Variants in NLGN1 observed in about 807,000 individuals in gnomAD.
The protein encoded by NLGN1 is neuroligin-1.
NLGN1 carries 12 observed loss-of-function variants against 65.5 expected under a neutral mutation model. That is an observed-to-expected ratio of 0.18 (90% CI 0.12 to 0.30). NLGN1 has a LOEUF of 0.30. Ranked by LOEUF, NLGN1 falls within the 10% of genes least tolerant of loss-of-function variation. The probability of loss-of-function intolerance (pLI) is 1.00; values close to 1 mark genes in which losing one functional copy is unlikely to be tolerated. For synonymous variants in NLGN1, 350 were observed against 359.5 expected, an observed-to-expected ratio of 0.97 and a Z score of 0.30; for missense variants, 750 against 1,007.1, an observed-to-expected ratio of 0.74 and a Z score of 3.46.
chr3:174,238,365 T>G (rs1361619499), intron 4 of NLGN1, among the ~76,000 whole-genome samples: 1 of 151,952 alleles, frequency 6.6e-6, no homozygotes, highest in African/African-American at 2.4e-5. Context: ...AAGTTCTTTT[T>G]TTTTTGTTGT....
intron 3 of NLGN1, among the ~76,000 whole-genome samples, chr3:173,801,937 A>G (rs1425105771): frequency 1.3e-5 from 2 of 152,112 alleles, no homozygotes; most frequent in Admixed American, 1.3e-4. Flanking sequence ...AAACTATAAG[A>G]AGACTACTTC....
At chr3:173,872,138 C>T (rs1368749536) in intron 4 of NLGN1, among the ~76,000 whole-genome samples, 2 of 152,008 alleles carry the variant, frequency 1.3e-5, no homozygotes, top group Admixed American at 6.6e-5. Context: ...GCCTCCCTCT[C>T]GTGGACTGAG....
chr3:174,194,955 G>A (rs537623248), intron 4 of NLGN1, among the ~76,000 whole-genome samples: 3 of 147,984 alleles, frequency 2.0e-5, no homozygotes, highest in Admixed American at 7.0e-5. Flanking sequence ...TCCGCCTCCC[G>A]GGTTCAAGTG....
chr3:173,758,236 G>A (rs917763960), intron 3 of NLGN1, among the ~76,000 whole-genome samples: 2 of 152,074 alleles, frequency 1.3e-5, no homozygotes, highest in East Asian at 1.9e-4. Context: ...ATCAGCTTTT[G>A]TCTTGATCTT....
intron 3 of NLGN1, among the ~76,000 whole-genome samples, chr3:173,699,532 A>G (rs1766797129): frequency 6.6e-6 from 1 of 152,198 alleles, no homozygotes; most frequent in Non-Finnish European, 1.5e-5. Flanking sequence ...TCTTTGAAAT[A>G]AGTTGTTCTT....
chr3:173,892,626 T>G (rs1735571211), intron 4 of NLGN1, among the ~76,000 whole-genome samples: 1 of 151,822 alleles, frequency 6.6e-6, no homozygotes, highest in Admixed American at 6.6e-5. Context: ...GAGATTATAT[T>G]AAACTAACAT....
At chr3:174,189,472 T>C (rs958211375) in intron 4 of NLGN1, among the ~76,000 whole-genome samples, 1 of 151,980 alleles carries the variant, frequency 6.6e-6, no homozygotes, top group Non-Finnish European at 1.5e-5. Context: ...TTCAAATCTA[T>C]GTCATGGAAG....
intron 2 of NLGN1, among the ~76,000 whole-genome samples, chr3:173,449,208 A>G (rs1721001271): frequency 6.6e-6 from 1 of 151,998 alleles, no homozygotes; most frequent in South Asian, 2.1e-4. Flanking sequence ...TTAGTGCTAT[A>G]AATTTCCCTC....
chr3:173,814,475 G>C (rs1224322890), intron 4 of NLGN1, among the ~76,000 whole-genome samples: 1 of 152,160 alleles, frequency 6.6e-6, no homozygotes, highest in Non-Finnish European at 1.5e-5. Flanking sequence ...ATGATATTTT[G>C]CAAAGTTGAC....
chr3:173,879,932 G>A (rs1306044088), intron 4 of NLGN1, among the ~76,000 whole-genome samples: 2 of 152,096 alleles, frequency 1.3e-5, no homozygotes, highest in Non-Finnish European at 2.9e-5. Flanking sequence ...AATACTTTGA[G>A]CATCAGAGTA....
At chr3:173,747,746 T>C (rs998969024) in intron 3 of NLGN1, among the ~76,000 whole-genome samples, 2 of 150,146 alleles carry the variant, frequency 1.3e-5, no homozygotes, top group Non-Finnish European at 3.0e-5. Flanking sequence ...TATGCAGCCA[T>C]TGGACTATGA....
chr3:173,675,888 C>CTT (rs776171952), intron 3 of NLGN1, among the ~76,000 whole-genome samples: 1 of 82,442 alleles, frequency 1.2e-5, no homozygotes, highest in East Asian at 2.4e-4. Flanking sequence ...CTCTCTCTCT[C>CTT]ACACACACAC....
intron 4 of NLGN1, among the ~76,000 whole-genome samples, chr3:173,896,826 C>T (rs147588150): frequency 2.6e-5 from 4 of 152,126 alleles, no homozygotes; most frequent in African/African-American, 9.7e-5. Flanking sequence ...TCACCTTTCC[C>T]TCAGCTAGAG....
chr3:174,112,365 C>T (rs181455697), intron 4 of NLGN1, among the ~76,000 whole-genome samples: 1 of 151,990 alleles, frequency 6.6e-6, no homozygotes, highest in African/African-American at 2.4e-5. Flanking sequence ...CTCAATGCAT[C>T]AGACTGCTGT....
At chr3:173,608,022 T>C in intron 3 of NLGN1, among the ~76,000 whole-genome samples, 1 of 151,906 alleles carries the variant, frequency 6.6e-6, no homozygotes, top group East Asian at 1.9e-4. Flanking sequence ...AGCCACATAC[T>C]ATTCAAGTCA....
intron 2 of NLGN1, among the ~76,000 whole-genome samples, chr3:173,595,830 G>C (rs538431340): frequency 6.6e-6 from 1 of 152,302 alleles, no homozygotes; most frequent in East Asian, 1.9e-4. Context: ...AGAAACACCT[G>C]ATAAGACAAT....
intron 2 of NLGN1, among the ~76,000 whole-genome samples, chr3:173,574,501 C>T: frequency 6.6e-6 from 1 of 151,852 alleles, no homozygotes; most frequent in South Asian, 2.1e-4. Flanking sequence ...ATTTTTAAAG[C>T]ATCATTGAAA....
Position 174,184,276 on chromosome 3 carries a change from G to A in NLGN1, c.647-91039G>A, listed in dbSNP as rs75051043. Reference sequence around the variant, plus strand: ...TAATATAAAAGAAACTTGGCAATGAGTAAAATGATTAAAAATTATTCAGTG... The same window carrying A: ...TAATATAAAAGAAACTTGGCAATGAATAAAATGATTAAAAATTATTCAGTG... On this transcript the variant is annotated intron_variant, in intron 4 of 6. Coordinates refer to ENST00000457714, the Ensembl canonical transcript of NLGN1. Among the ~76,000 whole-genome samples, 1,338 of 151,990 alleles carry A rather than the reference G, an allele frequency of 8.8e-3. 13 individuals carry two copies. Among genetic ancestry groups the A allele is most frequent in the African/African-American group, 0.03 (1,259 of 41,468 alleles).
intron 3 of NLGN1, among the ~76,000 whole-genome samples, chr3:173,607,468 A>G (rs1440600788): frequency 6.6e-6 from 1 of 151,742 alleles, no homozygotes; most frequent in East Asian, 1.9e-4. Context: ...ACATTATCCT[A>G]AAGTCTAAAT....
Sources: allele counts gnomAD v4.1 joint callset (sites outside exome capture counted in the v4.1 genomes callset), GRCh38; gene constraint gnomAD v4.1.1; transcripts MANE v1.5; gene names NCBI Gene and HGNC (gene_info 2026-07-23, HGNC 2026-07-21).